Variants in PTPRT observed in about 807,000 individuals in gnomAD.
PTPRT encodes the protein protein tyrosine phosphatase receptor type T.
In PTPRT, 56 loss-of-function variants were observed where a neutral mutation model predicts 176.8. That is an observed-to-expected ratio of 0.32 (90% CI 0.26 to 0.40). The LOEUF (loss-of-function observed/expected upper bound fraction) is 0.40, where lower values mean the gene tolerates loss of function less well. Ranked by LOEUF, PTPRT falls within the 10% of genes least tolerant of loss-of-function variation. The pLI, the probability that PTPRT is intolerant of heterozygous loss-of-function variation, is 1.00. For synonymous variants in PTPRT, 783 were observed against 739.0 expected (o/e 1.06, Z -0.96); for missense variants, 1,540 against 1,908.2 (o/e 0.81, Z 3.60).
At chr20:42,658,881 C>T (rs1052260606) in intron 7 of PTPRT, among the ~76,000 whole-genome samples, 2 of 152,068 alleles carry the variant, frequency 1.3e-5, no homozygotes, top group Non-Finnish European at 2.9e-5. Context: ...ATTCATTATA[C>T]ATTGTTTTAA....
chr20:43,086,249 A>T lies in PTPRT; in HGVS notation c.88+103397T>A, dbSNP rs372849695. ...AGGTGCCTCAGGCAACTGAAGTCCAAATAGAATGAGGCAAGGGCGCCCTCA... is the reference window on the plus strand; with the variant it reads ...AGGTGCCTCAGGCAACTGAAGTCCATATAGAATGAGGCAAGGGCGCCCTCA... On this transcript the variant is annotated intron_variant, in intron 1 of 30. Transcript: ENST00000373187. 1.1e-4 allele frequency among the ~76,000 whole-genome samples: 16 copies of T among 152,318 alleles called. No individual in the cohort carries two copies. The East Asian group carries it at 2.7e-3, about 26-fold the overall frequency.
intron 12 of PTPRT, among the ~76,000 whole-genome samples, chr20:42,307,853 C>A (rs2057567002): frequency 6.6e-6 from 1 of 152,134 alleles, no homozygotes; most frequent in Non-Finnish European, 1.5e-5. Flanking sequence ...AGATACAGGT[C>A]ATGAAGATGT....
chr20:42,707,723 G>A (rs1330497742), intron 6 of PTPRT, among the ~76,000 whole-genome samples: 1 of 152,182 alleles, frequency 6.6e-6, no homozygotes, highest in Non-Finnish European at 1.5e-5. Flanking sequence ...GGAGGCTGAG[G>A]CAAGAGGATC....
chr20:42,727,280 G>A (rs954430458), intron 6 of PTPRT, among the ~76,000 whole-genome samples: 5 of 152,146 alleles, frequency 3.3e-5, no homozygotes, highest in Admixed American at 6.5e-5. Context: ...TCCTATGTAA[G>A]ACCTGTTACT....
intron 15 of PTPRT, among the ~76,000 whole-genome samples, chr20:42,235,931 C>T (rs539819767): frequency 6.6e-6 from 1 of 152,164 alleles, no homozygotes; most frequent in East Asian, 1.9e-4. Flanking sequence ...TGGTCCCCTG[C>T]TTGATGGAAT....
Position 42,080,869 on chromosome 20 carries a change from T to C in PTPRT, c.*10A>G, listed in dbSNP as rs776306328. On this transcript the variant is annotated 3_prime_UTR_variant, in exon 31 of 31. Coordinates refer to ENST00000373187, the MANE Select transcript of PTPRT (RefSeq NM_007050.6). ...CCTCTGGACTCCGGCAGGTTCCCCA[T>C]CCCATTGAGCTAAAAGGAGCTTAAA... The C allele has an allele frequency of 1.1e-5, 17 of 1,606,274 alleles. No homozygotes were observed. Among genetic ancestry groups the C allele is most frequent in the Admixed American group, 1.7e-5 (1 of 59,934 alleles).
chr20:42,426,715 G>A (rs369970499), intron 9 of PTPRT, among the ~76,000 whole-genome samples: 38 of 152,316 alleles, frequency 2.5e-4, no homozygotes, highest in African/African-American at 7.9e-4. Context: ...GCACCTGCCT[G>A]TCTGTGAGCT....
At chr20:43,173,093 C>T (rs954453777) in intron 1 of PTPRT, among the ~76,000 whole-genome samples, 6 of 151,960 alleles carry the variant, frequency 3.9e-5, no homozygotes, top group South Asian at 2.1e-4. Flanking sequence ...CGGCTGGTCT[C>T]GAACTCCCGA....
intron 11 of PTPRT, among the ~76,000 whole-genome samples, chr20:42,335,641 G>A (rs116714892): frequency 0.011 from 1,703 of 152,248 alleles, 32 homozygotes; most frequent in African/African-American, 0.039. Flanking sequence ...AAACAAATTT[G>A]AGAATTTTTT....
Position 42,615,461 on chromosome 20 carries a change from A to G in PTPRT, c.1153+62405T>C, listed in dbSNP as rs562762514. ...ATTTGGGTATATACCCAGTAATGGG[A>G]TGGCTGGGTCAAATGGTATTTCTAG... On this transcript the variant is annotated intron_variant, in intron 7 of 30. Coordinates refer to ENST00000373187, the MANE Select transcript of PTPRT (RefSeq NM_007050.6). Among the ~76,000 whole-genome samples, 3 of 138,868 alleles carry G rather than the reference A, an allele frequency of 2.2e-5. No individual in the cohort carries two copies. In the South Asian group the frequency reaches 6.7e-4, roughly 31 times the overall value. 91.1% of individuals were successfully genotyped at this position (138,868 alleles called of 152,430 possible). A position where few individuals can be genotyped will look rare whatever the true frequency, so the allele number is the denominator to read the frequency against.
intron 7 of PTPRT, among the ~76,000 whole-genome samples, chr20:42,608,064 G>A (rs2073911000): frequency 6.6e-6 from 1 of 152,156 alleles, no homozygotes. Context: ...TGATGAAACT[G>A]AGACTCAGAC....
At chr20:42,573,377 C>A (rs996508289) in intron 7 of PTPRT, among the ~76,000 whole-genome samples, 3 of 151,998 alleles carry the variant, frequency 2.0e-5, no homozygotes, top group African/African-American at 4.8e-5. Flanking sequence ...GGATAAGATA[C>A]CCTTCCTCCA....
At chr20:42,800,926 T>A (rs2145583852) in intron 2 of PTPRT, among the ~76,000 whole-genome samples, 1 of 152,248 alleles carries the variant, frequency 6.6e-6, no homozygotes, top group Non-Finnish European at 1.5e-5. Flanking sequence ...TTATCTCCCT[T>A]ACCACGACTG....
intron 17 of PTPRT, among the ~76,000 whole-genome samples, chr20:42,153,948 T>C (rs936470913): frequency 1.3e-5 from 2 of 152,220 alleles, no homozygotes; most frequent in East Asian, 1.9e-4. Context: ...AACTCTCAAG[T>C]TTGAAACCAC....
chr20:42,561,413 T>C (rs1053468972), intron 7 of PTPRT, among the ~76,000 whole-genome samples: 3 of 152,166 alleles, frequency 2.0e-5, no homozygotes, highest in Non-Finnish European at 4.4e-5. Flanking sequence ...GATGCATATT[T>C]AATACCAATG....
chr20:43,036,735 C>T (rs2062868590), intron 1 of PTPRT, among the ~76,000 whole-genome samples: 1 of 152,076 alleles, frequency 6.6e-6, no homozygotes, highest in Non-Finnish European at 1.5e-5. Flanking sequence ...AATATAATTA[C>T]AGACTAGGTA....
intron 16 of PTPRT, among the ~76,000 whole-genome samples, chr20:42,171,380 T>G (rs956602684): frequency 2.0e-5 from 3 of 152,206 alleles, no homozygotes; most frequent in African/African-American, 7.2e-5. Flanking sequence ...AAATCAGATT[T>G]AAAAATCTAA....
intron 1 of PTPRT, chr20:42,970,877 C>A (rs1440197954): frequency 6.6e-6 from 1 of 152,172 alleles, no homozygotes; most frequent in East Asian, 1.9e-4. Flanking sequence ...TATTTTTCCT[C>A]TGGTCTCCAG....
At chr20:42,629,343 A>G (rs764324237) in intron 7 of PTPRT, among the ~76,000 whole-genome samples, 8 of 152,194 alleles carry the variant, frequency 5.3e-5, no homozygotes, top group Non-Finnish European at 1.0e-4. Context: ...GAATGCAAAG[A>G]TCAGTCAACT....
Sources: allele counts gnomAD v4.1 joint callset (sites outside exome capture counted in the v4.1 genomes callset), GRCh38; gene constraint gnomAD v4.1.1; transcripts MANE v1.5; gene names NCBI Gene and HGNC (gene_info 2026-07-23, HGNC 2026-07-21).